The following CFAP299 variants were observed in gnomAD, a reference collection of about 807,000 sequenced individuals.
The protein encoded by CFAP299 is cilia- and flagella-associated protein 299.
In CFAP299, 21 loss-of-function variants were observed where a neutral mutation model predicts 27.0. The ratio of observed to expected loss-of-function variants is 0.78; its 90% CI spans 0.55 to 1.12. The LOEUF (loss-of-function observed/expected upper bound fraction) is 1.12. Ranked by LOEUF, CFAP299 falls within the 50% of genes most tolerant of loss-of-function variation. The pLI, the probability that CFAP299 is intolerant of heterozygous loss-of-function variation, is 0.00. For missense variants in CFAP299, 310 were observed against 276.6 expected (o/e 1.12, Z -0.86); for synonymous variants, 104 against 98.1 (o/e 1.06, Z -0.36).
intron 4 of CFAP299, among the ~76,000 whole-genome samples, chr4:80,939,046 A>T (rs1190811405): frequency 1.3e-5 from 2 of 152,106 alleles, no homozygotes; most frequent in Non-Finnish European, 2.9e-5. Flanking sequence ...ATTTGGGGAG[A>T]GGGGAATGTT....
chr4:80,479,531 C>T (rs995638410), intron 2 of CFAP299, among the ~76,000 whole-genome samples: 1 of 151,894 alleles, frequency 6.6e-6, no homozygotes, highest in Non-Finnish European at 1.5e-5. Flanking sequence ...TGGGGAAAAA[C>T]ATCAAATGTT....
intron 3 of CFAP299, chr4:80,790,642 G>A (rs1257597877): frequency 1.3e-5 from 2 of 151,876 alleles, no homozygotes; most frequent in African/African-American, 4.8e-5. Flanking sequence ...GCCATCACTG[G>A]GTTCCTACTA....
intron 3 of CFAP299, among the ~76,000 whole-genome samples, chr4:80,631,863 C>CG (rs1560667525): frequency 2.3e-5 from 1 of 42,964 alleles, no homozygotes; most frequent in Non-Finnish European, 4.2e-5. Context: ...ATTTGTGCCC[C>CG]ACCCCCCCCC....
chr4:80,511,615 T>C (rs1424504605), intron 2 of CFAP299, among the ~76,000 whole-genome samples: 1 of 152,134 alleles, frequency 6.6e-6, no homozygotes, highest in Non-Finnish European at 1.5e-5. Flanking sequence ...GCCATGAATG[T>C]GATAATGAAG....
At chr4:80,722,566 T>C (rs1267475343) in intron 3 of CFAP299, among the ~76,000 whole-genome samples, 1 of 152,144 alleles carries the variant, frequency 6.6e-6, no homozygotes, top group East Asian at 1.9e-4. Context: ...GTATATATCT[T>C]TTAAAAGACT....
chr4:80,747,924 G>C (rs774969817), intron 3 of CFAP299, among the ~76,000 whole-genome samples: 15 of 151,920 alleles, frequency 9.9e-5, no homozygotes, highest in Non-Finnish European at 1.6e-4. Flanking sequence ...CTGGTTTACT[G>C]TTTGTACTTT....
At chr4:80,499,601 A>AT (rs1291034978) in intron 2 of CFAP299, among the ~76,000 whole-genome samples, 10 of 151,946 alleles carry the variant, frequency 6.6e-5, no homozygotes, top group African/African-American at 2.4e-4. Flanking sequence ...ATCTACTTAG[A>AT]TTTTTTCCTA....
intron 2 of CFAP299, among the ~76,000 whole-genome samples, chr4:80,397,513 G>A (rs555258972): frequency 6.6e-6 from 1 of 152,162 alleles, no homozygotes; most frequent in African/African-American, 2.4e-5. Context: ...TCTCTTGTGG[G>A]TATCTAAGCT....
At chr4:80,928,804 G>A (rs1483021420) in intron 4 of CFAP299, among the ~76,000 whole-genome samples, 1 of 151,988 alleles carries the variant, frequency 6.6e-6, no homozygotes, top group East Asian at 1.9e-4. Flanking sequence ...ACCAAATTTT[G>A]GTGTTCATTT....
intron 3 of CFAP299, among the ~76,000 whole-genome samples, chr4:80,856,134 G>C (rs934127616): frequency 5.6e-4 from 85 of 151,768 alleles, no homozygotes; most frequent in Non-Finnish European, 7.2e-4. Context: ...TTGTGGTTTT[G>C]ATTTGCATTT....
At chr4:80,609,580 TG>T (rs1737858843) in intron 3 of CFAP299, among the ~76,000 whole-genome samples, 1 of 152,048 alleles carries the variant, frequency 6.6e-6, no homozygotes, top group Non-Finnish European at 1.5e-5. Context: ...TCAACGTTAA[TG>T]TTATTTTTTA....
rs1560643015 is a variant in CFAP299, at chr4:80,591,122, T to TA, written c.333+7939_333+7940insA. 1.8e-3 allele frequency among the ~76,000 whole-genome samples: 258 copies of TA among 141,544 alleles called. 2 individuals carry two copies. Among genetic ancestry groups the TA allele is most frequent in the Admixed American group, 7.8e-3 (111 of 14,178 alleles). 92.9% of individuals were successfully genotyped at this position (141,544 alleles called of 152,430 possible). On this transcript the variant is annotated intron_variant, in intron 3 of 5. Coordinates refer to ENST00000358105, the MANE Select transcript of CFAP299 (RefSeq NM_152770.3). ...TTTAGGAAATTTTTTTTTTTTTTTTTTTTTTTTTTATTTTTTTTTGAGACG... is the reference window on the plus strand; with the variant it reads ...TTTAGGAAATTTTTTTTTTTTTTTTTATTTTTTTTTATTTTTTTTTGAGACG...
chr4:80,697,367 A>G (rs371075365), intron 3 of CFAP299, among the ~76,000 whole-genome samples: 1 of 152,262 alleles, frequency 6.6e-6, no homozygotes, highest in African/African-American at 2.4e-5. Context: ...TTTAGAAGCA[A>G]ATATGTTTGT....
chr4:80,846,080 G>T (rs776767647), intron 3 of CFAP299, among the ~76,000 whole-genome samples: 19 of 152,072 alleles, frequency 1.2e-4, no homozygotes, highest in South Asian at 1.0e-3. Flanking sequence ...CAAGATAAAT[G>T]ATAGCATCCT....
intron 2 of CFAP299, among the ~76,000 whole-genome samples, chr4:80,539,625 T>C (rs1733907147): frequency 6.6e-6 from 1 of 152,050 alleles, no homozygotes; most frequent in African/African-American, 2.4e-5. Context: ...GGTATGGAGT[T>C]GGAATTTGTT....
chr4:80,793,097 TTA>T (rs1047015280), intron 3 of CFAP299, among the ~76,000 whole-genome samples: 11 of 142,758 alleles, frequency 7.7e-5, no homozygotes, highest in Non-Finnish European at 1.5e-4. Flanking sequence ...ATCCTATTAG[TTA>T]TGTGTGTGTG....
chr4:80,426,833 G>A (rs1727553249), intron 2 of CFAP299, among the ~76,000 whole-genome samples: 1 of 152,176 alleles, frequency 6.6e-6, no homozygotes, highest in Non-Finnish European at 1.5e-5. Flanking sequence ...TGTTACCTAT[G>A]ACTCTGTCCT....
chr4:80,926,948 T>C (rs1399658514), intron 4 of CFAP299, among the ~76,000 whole-genome samples: 1 of 152,066 alleles, frequency 6.6e-6, no homozygotes, highest in East Asian at 1.9e-4. Context: ...ATGTTTCCTC[T>C]TCTTGATTCT....
chr4:80,565,298 T>G (rs1299546340), intron 2 of CFAP299, among the ~76,000 whole-genome samples: 1 of 152,020 alleles, frequency 6.6e-6, no homozygotes, highest in African/African-American at 2.4e-5. Flanking sequence ...ACTATGTACC[T>G]AAAAAAGGAG....
Sources: allele counts gnomAD v4.1 joint callset (sites outside exome capture counted in the v4.1 genomes callset), GRCh38; gene constraint gnomAD v4.1.1; transcripts MANE v1.5; gene names NCBI Gene and HGNC (gene_info 2026-07-23, HGNC 2026-07-21).